Variants in CCDC38 observed in about 807,000 individuals in gnomAD.
CCDC38 encodes coiled-coil domain-containing protein 38.
A neutral mutation model predicts 72.8 loss-of-function variants in CCDC38; 69 were observed. The ratio of observed to expected loss-of-function variants is 0.95; its 90% CI spans 0.78 to 1.16. The LOEUF (loss-of-function observed/expected upper bound fraction) is 1.16. Ranked by LOEUF, CCDC38 falls within the 50% of genes most tolerant of loss-of-function variation. The probability of loss-of-function intolerance (pLI) is 0.00; values close to 1 mark genes in which losing one functional copy is unlikely to be tolerated. For missense variants in CCDC38, 626 were observed against 638.9 expected (o/e 0.98, Z 0.22); for synonymous variants, 201 against 213.2 (o/e 0.94, Z 0.50).
chr12:95,906,424 T>C lies in CCDC38; in HGVS notation c.332A>G (p.Glu111Gly), dbSNP rs760904616. The C allele has an allele frequency of 3.7e-6, 6 of 1,613,446 alleles. No individual in the cohort carries two copies. Among genetic ancestry groups the C allele is most frequent in the Middle Eastern group, 1.7e-4 (1 of 6,056 alleles). ...CCTGTCTCTCTGGTCATTAATAAAT[T>C]CATGGACAGTCCTTTTTGTGTCGGA... The part of the protein sequence containing the change: ...EGSDTKRTVH[E>G]FINDQRDRFL... Residue 111 changes from glutamate to glycine, a missense_variant, in exon 5 of 16, where the codon GAA becomes GGA. Physicochemically the swap from Glu to Gly is moderately conservative, Grantham distance 98. Coordinates refer to ENST00000344280, the MANE Select transcript of CCDC38 (RefSeq NM_182496.3).
rs1468548528 is a variant in CCDC38, at chr12:95,898,692, C to T, written c.409G>A (p.Glu137Lys). ...STKRNTIKKF[E>K]KDIAMRERQL... ...CGTTCCCTCATTGCTATGTCTTTTT[C>T]AAACTTTTTGATTGTGTTTCTTTTG... Residue 137 changes from glutamate to lysine, a missense_variant, in exon 6 of 16, where the codon GAA (glutamate) becomes AAA (lysine). Coordinates refer to ENST00000344280, the MANE Select transcript of CCDC38 (RefSeq NM_182496.3). The T allele has an allele frequency of 4.3e-6, 7 of 1,613,820 alleles. No homozygotes were observed. In the South Asian group the frequency reaches 6.6e-5, roughly 15 times the overall value.
intron 12 of CCDC38, 77 bp from the exon 13 acceptor site, chr12:95,878,423 C>T: frequency 7.2e-7 from 1 of 1,397,950 alleles, no homozygotes; most frequent in Non-Finnish European, 9.8e-7. Flanking sequence ...AGCTTTAACA[C>T]TCTAGATCAT....
chr12:95,941,127 T>C (rs1459149136), intron 1 of CCDC38, among the ~76,000 whole-genome samples: 2 of 152,232 alleles, frequency 1.3e-5, no homozygotes, highest in Non-Finnish European at 2.9e-5. Flanking sequence ...TCAGGTAATG[T>C]TGTCTGTCTG....
chr12:95,942,204 A>G (rs1041610592), intron 1 of CCDC38, among the ~76,000 whole-genome samples: 5 of 152,328 alleles, frequency 3.3e-5, no homozygotes, highest in Non-Finnish European at 5.9e-5. Context: ...TGTGATAAAC[A>G]TGAATAAACG....
At chr12:95,908,120 G>A (rs1338572056) in intron 4 of CCDC38, among the ~76,000 whole-genome samples, 1 of 151,944 alleles carries the variant, frequency 6.6e-6, no homozygotes, top group Non-Finnish European at 1.5e-5. Flanking sequence ...CTGCCGGGAG[G>A]TGGATGTTGT....
At chr12:95,933,789 T>A (rs904122488) in intron 2 of CCDC38, 4 of 152,200 alleles carry the variant, frequency 2.6e-5, no homozygotes, top group Non-Finnish European at 5.9e-5. Flanking sequence ...CCCAAAGAAG[T>A]GTCAACTGTA....
At chr12:95,909,451 C>T (rs2080066805) in intron 4 of CCDC38, among the ~76,000 whole-genome samples, 1 of 152,158 alleles carries the variant, frequency 6.6e-6, no homozygotes. Flanking sequence ...GATGGATTCA[C>T]AGCCGACTCC....
chr12:95,918,550 T>C (rs968517231), intron 3 of CCDC38, among the ~76,000 whole-genome samples: 3 of 152,216 alleles, frequency 2.0e-5, no homozygotes, highest in African/African-American at 4.8e-5. Flanking sequence ...ATCCCATCTA[T>C]GTAAGCTAGG....
chr12:95,872,172 A>T, intron 14 of CCDC38, 83 bp downstream of exon 14: 1 of 1,245,746 alleles, frequency 8.0e-7, no homozygotes, highest in Non-Finnish European at 1.2e-6. Flanking sequence ...ATATGACATT[A>T]CACAAGAGAC....
Position 95,898,735 on chromosome 12 carries a change from G to A in CCDC38, c.370-4C>T. 6.2e-7 allele frequency: 1 copy of A among 1,612,484 alleles called. No individual in the cohort carries two copies. Among genetic ancestry groups the A allele is most frequent in the Middle Eastern group, 1.7e-4 (1 of 6,052 alleles). ...TTCTTTTGGTTGACAAAGCATACTA[G>A]GGGCATTGAAGACAGAGGTGTAAAA... On this transcript the variant is annotated splice_polypyrimidine_tract_variant and splice_region_variant and intron_variant, in intron 5 of 15. Coordinates refer to ENST00000344280, the MANE Select transcript of CCDC38 (RefSeq NM_182496.3).
At chr12:95,882,194 G>C (rs368180346) in intron 10 of CCDC38, among the ~76,000 whole-genome samples, 3 of 152,184 alleles carry the variant, frequency 2.0e-5, no homozygotes, top group Non-Finnish European at 4.4e-5. Context: ...GAGAGAGTAA[G>C]TTGGCTGTTG....
At chr12:95,869,392 C>A in intron 15 of CCDC38, 88 bp downstream of exon 15, 1 of 954,738 alleles carries the variant, frequency 1.0e-6, no homozygotes, top group South Asian at 1.5e-5. Flanking sequence ...TGAAGTTCAA[C>A]CTGGATAAGT....
chr12:95,884,936 G>C (rs2079741368), intron 10 of CCDC38, among the ~76,000 whole-genome samples: 1 of 152,122 alleles, frequency 6.6e-6, no homozygotes, highest in Non-Finnish European at 1.5e-5. Context: ...TATCTTTGTG[G>C]GGGACATAAT....
At chr12:95,904,810 C>T (rs1270889269) in intron 5 of CCDC38, among the ~76,000 whole-genome samples, 3 of 152,180 alleles carry the variant, frequency 2.0e-5, no homozygotes, top group Non-Finnish European at 2.9e-5. Context: ...AGCCTCCACC[C>T]TAAGACTGTC....
At chr12:95,908,879 T>C (rs971382708) in intron 4 of CCDC38, among the ~76,000 whole-genome samples, 3 of 151,928 alleles carry the variant, frequency 2.0e-5, no homozygotes, top group Non-Finnish European at 4.4e-5. Context: ...CATCTAGCAA[T>C]AGAAAATACC....
intron 10 of CCDC38, among the ~76,000 whole-genome samples, chr12:95,888,103 C>CA (rs1050456097): frequency 6.6e-6 from 1 of 151,936 alleles, no homozygotes; most frequent in African/African-American, 2.4e-5. Context: ...AAAACAACAA[C>CA]AAAAAAATAC....
chr12:95,891,246 C>G (rs1371674575), intron 8 of CCDC38, among the ~76,000 whole-genome samples: 1 of 152,226 alleles, frequency 6.6e-6, no homozygotes, highest in Non-Finnish European at 1.5e-5. Flanking sequence ...GTCGTAACTC[C>G]TTAAATCCCA....
intron 4 of CCDC38, among the ~76,000 whole-genome samples, chr12:95,914,210 A>T (rs1396525570): frequency 3.3e-5 from 5 of 152,204 alleles, no homozygotes; most frequent in Admixed American, 3.3e-4. Flanking sequence ...TTGTAGTCCC[A>T]GCTACTCGGA....
chr12:95,903,452 C>T (rs750351458), intron 5 of CCDC38: 4 of 700,086 alleles, frequency 5.7e-6, no homozygotes, highest in South Asian at 1.5e-5. Context: ...AGTGGAAATC[C>T]TTGCCTTGTT....
Sources: gnomAD v4.1 joint callset for allele counts (sites outside exome capture counted in the v4.1 genomes callset) on GRCh38, gnomAD v4.1.1 for gene constraint, MANE v1.5 for transcripts, NCBI Gene and HGNC (gene_info 2026-07-23, HGNC 2026-07-21) for gene names.